The following CASTOR2 variants were observed in gnomAD, a reference collection of about 807,000 sequenced individuals.
CASTOR2 encodes GATS protein like 2.
In CASTOR2, 8 loss-of-function variants were observed where a neutral mutation model predicts 31.2. The observed-to-expected ratio is 0.26, with a 90% CI of 0.15 to 0.46. The LOEUF is 0.46. Ranked by LOEUF, CASTOR2 falls within the 20% of genes least tolerant of loss-of-function variation. The pLI, the probability that CASTOR2 is intolerant of heterozygous loss-of-function variation, is 0.99. For synonymous variants in CASTOR2, 162 were observed against 158.7 expected (o/e 1.02, Z -0.16); for missense variants, 216 against 382.1 (o/e 0.57, Z 3.62).
intron 1 of CASTOR2, among the ~76,000 whole-genome samples, chr7:74,995,939 T>C (rs1316655168): frequency 6.6e-6 from 1 of 151,306 alleles, no homozygotes; most frequent in African/African-American, 2.4e-5. Context: ...GATTGCACCA[T>C]TGCACTCCAG....
chr7:74,996,284 G>A (rs1326248279), intron 1 of CASTOR2, among the ~76,000 whole-genome samples: 2 of 152,244 alleles, frequency 1.3e-5, no homozygotes, highest in African/African-American at 2.4e-5. Flanking sequence ...AGCAGTACAC[G>A]GTAGGGTTGG....
rs1491430713 is a variant in CASTOR2 at position 74,987,076 on chromosome 7, CCT to C, written c.114-20917_114-20916del. ...AAAAATTCAACCATTAGGATCTTCC[CCT>C]GTGTTTATGCTACCAAGGAGTGTTT... is the stretch of plus-strand genomic sequence containing the variant. On this transcript the variant is annotated intron_variant, in intron 1 of 8. Transcript: ENST00000616305. Among the ~76,000 whole-genome samples the C allele has an allele frequency of 4.6e-3, 698 of 151,726 alleles. 5 individuals are homozygous for C. The highest frequency in any genetic ancestry group is 0.016 in the African/African-American group (677 of 41,342).
intron 1 of CASTOR2, among the ~76,000 whole-genome samples, chr7:75,000,092 G>C (rs1804458286): frequency 6.6e-6 from 1 of 152,190 alleles, no homozygotes. Context: ...CAGCCATGGT[G>C]ATGTGCATCT....
rs1251409044 is a variant in CASTOR2, at chr7:74,993,671, G to A, written c.114-14323G>A. On this transcript the variant is annotated intron_variant, in intron 1 of 8. Coordinates refer to ENST00000616305, the MANE Select transcript of CASTOR2 (RefSeq NM_001145064.3). The stretch of plus-strand genomic sequence containing the variant: ...TCACCATGTTGCCCAGGCTGGTCTC[G>A]AACTCCTGGTCTCAAGTGATCCACC... Among the ~76,000 whole-genome samples the A allele has an allele frequency of 4.7e-3, 717 of 151,406 alleles. 6 individuals carry two copies. Among genetic ancestry groups the A allele is most frequent in the Middle Eastern group, 0.014 (4 of 288 alleles).
chr7:75,023,662 A>G (rs1425700228), intron 7 of CASTOR2, among the ~76,000 whole-genome samples: 3 of 150,590 alleles, frequency 2.0e-5, no homozygotes, highest in African/African-American at 4.9e-5. Context: ...CTGGTCTCGA[A>G]CTCCTGACCT....
At chr7:75,022,326 G>A (rs1200033559) in intron 7 of CASTOR2, among the ~76,000 whole-genome samples, 1 of 152,052 alleles carries the variant, frequency 6.6e-6, no homozygotes, top group East Asian at 1.9e-4. Context: ...GAAACATAGC[G>A]AGGCCCTGTC....
intron 1 of CASTOR2, among the ~76,000 whole-genome samples, chr7:75,000,751 C>G (rs1804476057): frequency 6.6e-6 from 1 of 151,884 alleles, no homozygotes; most frequent in Non-Finnish European, 1.5e-5. Flanking sequence ...CTCCACCTCC[C>G]CGGTTCAAGC....
chr7:75,011,924 G>C (rs1804759401), intron 2 of CASTOR2, among the ~76,000 whole-genome samples: 2 of 151,088 alleles, frequency 1.3e-5, no homozygotes, highest in Non-Finnish European at 2.9e-5. Context: ...CCGAGATCGC[G>C]CCATTGCACT....
At chr7:74,994,650 T>G (rs1804296052) in intron 1 of CASTOR2, among the ~76,000 whole-genome samples, 1 of 151,766 alleles carries the variant, frequency 6.6e-6, no homozygotes, top group African/African-American at 2.4e-5. Context: ...CTTGGGAGGC[T>G]GAGGCAGGAG....
intron 2 of CASTOR2, among the ~76,000 whole-genome samples, chr7:75,016,205 C>G (rs1188505629): frequency 1.4e-4 from 21 of 152,200 alleles, no homozygotes; most frequent in African/African-American, 4.6e-4. Context: ...CGAATGCAGC[C>G]TGGGCTCGAG....
At chr7:75,024,586 G>C (rs924028844) in intron 8 of CASTOR2, 48 bp from the exon 9 acceptor site, 92 of 1,551,044 alleles carry the variant, frequency 5.9e-5, no homozygotes, top group Admixed American at 1.4e-4. Flanking sequence ...TGGGGAAGCA[G>C]GTTCCTGGGC....
intron 2 of CASTOR2, among the ~76,000 whole-genome samples, chr7:75,012,323 C>T (rs1475440938): frequency 2.6e-5 from 4 of 152,044 alleles, no homozygotes; most frequent in East Asian, 1.9e-4. Context: ...TTGCTTTTCT[C>T]GAGGTAGTCT....
At chr7:74,977,827 C>T (rs1336552056) in intron 1 of CASTOR2, among the ~76,000 whole-genome samples, 3 of 150,350 alleles carry the variant, frequency 2.0e-5, no homozygotes, top group East Asian at 2.0e-4. Flanking sequence ...TGCAAGCACT[C>T]GCCACTACAC....
chr7:74,997,846 A>T (rs1189843966), intron 1 of CASTOR2, among the ~76,000 whole-genome samples: 1 of 151,868 alleles, frequency 6.6e-6, no homozygotes, highest in Non-Finnish European at 1.5e-5. Flanking sequence ...CATTGCTGAC[A>T]CTTGTTTATC....
At chr7:75,015,706 T>A (rs1417640087) in intron 2 of CASTOR2, among the ~76,000 whole-genome samples, 3 of 150,688 alleles carry the variant, frequency 2.0e-5, no homozygotes, top group Non-Finnish European at 4.5e-5. Context: ...TCCTAAGTGA[T>A]CTTCGGCAAA....
chr7:75,005,754 C>T (rs1381069718), intron 1 of CASTOR2, among the ~76,000 whole-genome samples: 4 of 152,242 alleles, frequency 2.6e-5, no homozygotes, highest in South Asian at 4.1e-4. Flanking sequence ...CTTTGGAAAG[C>T]CAAAGAGGGA....
At chr7:74,996,415 A>G (rs1804348167) in intron 1 of CASTOR2, among the ~76,000 whole-genome samples, 1 of 152,070 alleles carries the variant, frequency 6.6e-6, no homozygotes. Context: ...CTTTAATAGC[A>G]AGGCCTCCAG....
At position 75,015,853 on chromosome 7, in the gene CASTOR2, G is replaced by A. The variant is rs1276234510; in HGVS notation, c.185-1745G>A. Among the ~76,000 whole-genome samples the A allele has an allele frequency of 4.6e-5, 7 of 152,210 alleles. No homozygotes were observed. In the East Asian group the frequency reaches 1.2e-3, roughly 25 times the overall value. On this transcript the variant is annotated intron_variant, in intron 2 of 8. Coordinates refer to ENST00000616305, the MANE Select transcript of CASTOR2 (RefSeq NM_001145064.3). ...AGGCCAAGGCGGGTGGATCACTTGA[G>A]GCCAGGAGTTTGAGACCAGCCGGGC...
At position 75,030,423 on chromosome 7, in the gene CASTOR2, G is replaced by C. The variant is rs1805269469; in HGVS notation, c.*5724G>C. On this transcript the variant is annotated 3_prime_UTR_variant, in exon 9 of 9. Transcript: ENST00000616305. Reference sequence around the variant, plus strand: ...GCAGACCCTGGCTCCAGGGGAGAGGGTGGGGCGTCTCTGGTAGGACGGCCT... The same window carrying C: ...GCAGACCCTGGCTCCAGGGGAGAGGCTGGGGCGTCTCTGGTAGGACGGCCT... 6.6e-6 allele frequency among the ~76,000 whole-genome samples: 1 copy of C among 152,184 alleles called. No individual in the cohort carries two copies. Among genetic ancestry groups the C allele is most frequent in the Non-Finnish European group, 1.5e-5 (1 of 68,038 alleles).
Sources: allele counts gnomAD v4.1 joint callset (sites outside exome capture counted in the v4.1 genomes callset), GRCh38; gene constraint gnomAD v4.1.1; transcripts MANE v1.5; gene names NCBI Gene and HGNC (gene_info 2026-07-23, HGNC 2026-07-21).